The following OPHN1 variants were observed in gnomAD, a reference collection of about 807,000 sequenced individuals.
The protein encoded by OPHN1 is oligophrenin 1, also known as oligophrenin-1.
In OPHN1, 11 loss-of-function variants were observed where a neutral mutation model predicts 60.7. The ratio of observed to expected loss-of-function variants is 0.18; its 90% confidence interval spans 0.11 to 0.30. OPHN1 has a LOEUF of 0.30. OPHN1 is among the 10% of genes least tolerant of loss of function. OPHN1 has a pLI of 1.00. For synonymous variants in OPHN1, 226 were observed against 222.6 expected, an observed-to-expected ratio of 1.02 and a Z score of -0.14; for missense variants, 449 against 611.0, an observed-to-expected ratio of 0.73 and a Z score of 2.80.
At chrX:68,162,043 G>C (rs1241586918) in intron 15 of OPHN1, among the ~76,000 whole-genome samples, 1 of 111,137 alleles carries the variant, frequency 9.0e-6, no homozygotes, top group Non-Finnish European at 1.9e-5. Context: ...GTGTGCATGT[G>C]TATGTGTGTA....
At chrX:68,052,469 C>A in intron 23 of OPHN1, 71 bp downstream of exon 23, 2 of 946,367 alleles carry the variant, frequency 2.1e-6, no homozygotes, top group East Asian at 3.3e-5. Context: ...TTAGAGTGAG[C>A]ACAATTGTAT....
At chrX:68,331,901 TG>T (rs1331416248) in intron 2 of OPHN1, among the ~76,000 whole-genome samples, 1 of 109,962 alleles carries the variant, frequency 9.1e-6, no homozygotes, top group Non-Finnish European at 1.9e-5. Flanking sequence ...CTTGGTGTGG[TG>T]GTGCATGCCT....
chrX:68,138,162 G>A (rs1367409378), intron 15 of OPHN1, among the ~76,000 whole-genome samples: 1 of 111,981 alleles, frequency 8.9e-6, no homozygotes, highest in Admixed American at 9.5e-5. Context: ...TTGGTAGCTG[G>A]CTGATAGCCT....
chrX:68,323,229 T>C lies in OPHN1; in HGVS notation c.155-24133A>G, dbSNP rs766982919. Among the ~76,000 whole-genome samples, 6 of 112,273 alleles carry C rather than the reference T, an allele frequency of 5.3e-5. No individual in the cohort carries two copies. In the South Asian group the frequency reaches 2.2e-3, roughly 41 times the overall value. On this transcript the variant is annotated intron_variant, in intron 2 of 24. Transcript: ENST00000355520. ...TTATGTAAGATACAATTACATTTTT[T>C]AAAGAGAGGGAAAGCTACCCAATTT...
chrX:68,301,631 T>C (rs1468348948), intron 2 of OPHN1, among the ~76,000 whole-genome samples: 1 of 111,164 alleles, frequency 9.0e-6, no homozygotes, highest in Non-Finnish European at 1.9e-5. Context: ...CTAGAAATGC[T>C]TGTCGTGTGT....
chrX:68,359,780 C>T (rs1473579239), intron 2 of OPHN1, among the ~76,000 whole-genome samples: 2 of 98,881 alleles, frequency 2.0e-5, no homozygotes, highest in African/African-American at 3.9e-5. Flanking sequence ...GGCGTGAACC[C>T]GGGAGGCGGA....
intron 2 of OPHN1, among the ~76,000 whole-genome samples, chrX:68,323,798 T>C (rs1014626359): frequency 8.9e-6 from 1 of 112,201 alleles, no homozygotes; most frequent in African/African-American, 3.2e-5. Flanking sequence ...CATGATTACG[T>C]ATGGTTTAAG....
chrX:68,213,835 G>T, intron 7 of OPHN1, 27 bp downstream of exon 7: 1 of 872,609 alleles, frequency 1.1e-6, no homozygotes, highest in Non-Finnish European at 1.7e-6. Context: ...AATATTTTTA[G>T]ACCATTCATC....
intron 2 of OPHN1, among the ~76,000 whole-genome samples, chrX:68,384,638 CT>C (rs1302411660): frequency 9.1e-6 from 1 of 109,843 alleles, no homozygotes; most frequent in Non-Finnish European, 1.9e-5. Flanking sequence ...TGGAAAATTG[CT>C]TGAATGCAGG....
At chrX:68,193,851 G>A (rs370615929) in intron 14 of OPHN1, 39 bp downstream of exon 14, 209 of 1,083,267 alleles carry the variant, frequency 1.9e-4, no homozygotes, top group Non-Finnish European at 2.6e-4. Context: ...TCAGAGTGAC[G>A]AGATTCAGAC....
chrX:68,418,402 C>T (rs2078809856), intron 2 of OPHN1, among the ~76,000 whole-genome samples: 1 of 110,929 alleles, frequency 9.0e-6, no homozygotes, highest in African/African-American at 3.3e-5. Context: ...GAGCTGTGTG[C>T]AAAGATGGTA....
chrX:68,180,224 G>C (rs1274533449), intron 15 of OPHN1, among the ~76,000 whole-genome samples: 1 of 111,344 alleles, frequency 9.0e-6, no homozygotes, highest in Admixed American at 9.6e-5. Context: ...AATAGTTTAT[G>C]TGTATACTCA....
chrX:68,406,258 ATTAG>A (rs2078742784), intron 2 of OPHN1, among the ~76,000 whole-genome samples: 2 of 111,754 alleles, frequency 1.8e-5, no homozygotes, highest in Non-Finnish European at 3.8e-5. Flanking sequence ...TATTGGGACA[ATTAG>A]TTAAATTTTA....
chrX:68,383,646 C>G (rs1002836309), intron 2 of OPHN1, among the ~76,000 whole-genome samples: 2 of 104,503 alleles, frequency 1.9e-5, no homozygotes, highest in African/African-American at 3.5e-5. Context: ...GGAGGAACAT[C>G]CTCCAAAGCG....
chrX:68,084,352 GGGA>G (rs1328764210), intron 19 of OPHN1, among the ~76,000 whole-genome samples: 2 of 75,685 alleles, frequency 2.6e-5, no homozygotes, highest in African/African-American at 9.5e-5. Flanking sequence ...AGAGGGGAGA[GGGA>G]GGAACGGGGG....
chrX:68,180,974 G>GATATA (rs1268140714), intron 15 of OPHN1, among the ~76,000 whole-genome samples: 1 of 110,823 alleles, frequency 9.0e-6, no homozygotes, highest in Admixed American at 9.6e-5. Context: ...CACAAACTTT[G>GATATA]ATATAATTTT....
chrX:68,220,256 C>A, intron 6 of OPHN1, among the ~76,000 whole-genome samples: 1 of 105,310 alleles, frequency 9.5e-6, no homozygotes, highest in Non-Finnish European at 2.0e-5. Flanking sequence ...CTGAATAGAC[C>A]AATAACAGGA....
At chrX:68,095,378 C>T (rs919702837) in intron 19 of OPHN1, among the ~76,000 whole-genome samples, 2 of 112,104 alleles carry the variant, frequency 1.8e-5, no homozygotes, top group Admixed American at 9.5e-5. Flanking sequence ...TGTTTTCTCA[C>T]TACAATGGCA....
chrX:68,343,167 G>A (rs1010873719), intron 2 of OPHN1, among the ~76,000 whole-genome samples: 1 of 108,154 alleles, frequency 9.2e-6, no homozygotes, highest in Non-Finnish European at 1.9e-5. Flanking sequence ...CCAGCTACTC[G>A]GGAGGCTGAA....
Sources: allele counts gnomAD v4.1 joint callset (sites outside exome capture counted in the v4.1 genomes callset), GRCh38; gene constraint gnomAD v4.1.1; transcripts MANE v1.5; gene names NCBI Gene and HGNC (gene_info 2026-07-23, HGNC 2026-07-21).